Variants in ITGA1 observed in about 807,000 individuals in gnomAD.
The protein encoded by ITGA1 is integrin alpha-1.
In ITGA1, 85 loss-of-function variants were observed where a neutral mutation model predicts 145.9. That is an observed-to-expected ratio of 0.58 (90% CI 0.49 to 0.70). The LOEUF is 0.70. ITGA1 is among the 30% of genes least tolerant of loss of function. The pLI is 0.00. For missense variants in ITGA1, 1,351 were observed against 1,418.7 expected, an observed-to-expected ratio of 0.95 and a Z score of 0.77; for synonymous variants, 520 against 495.3, an observed-to-expected ratio of 1.05 and a Z score of -0.66.
chr5:52,925,639 G>A (rs973085606), intron 19 of ITGA1, 152 bp downstream of exon 19: 5 of 610,630 alleles, frequency 8.2e-6, no homozygotes, highest in East Asian at 5.7e-5. Flanking sequence ...AAAGTATTAA[G>A]CTTTTTAAAA....
At chr5:52,884,872 GAGTTT>G (rs970550283) in intron 7 of ITGA1, among the ~76,000 whole-genome samples, 1 of 152,096 alleles carries the variant, frequency 6.6e-6, no homozygotes, top group African/African-American at 2.4e-5. Context: ...ACACCAACTA[GAGTTT>G]ATGCAAACCT....
chr5:52,925,679 T>C (rs1460065369), intron 19 of ITGA1, among the ~76,000 whole-genome samples, 192 bp downstream of exon 19: 1 of 152,246 alleles, frequency 6.6e-6, no homozygotes, highest in Non-Finnish European at 1.5e-5. Flanking sequence ...CAAATATGTA[T>C]GTCTTTTCTT....
At chr5:52,890,105 C>T (rs1357789357) in intron 8 of ITGA1, among the ~76,000 whole-genome samples, 1 of 152,158 alleles carries the variant, frequency 6.6e-6, no homozygotes, top group South Asian at 2.1e-4. Context: ...GGACCTACCA[C>T]CCAAATTGAG....
chr5:52,886,802 G>A lies in ITGA1; in HGVS notation c.774-1013G>A, dbSNP rs1165962156. 2.6e-5 allele frequency among the ~76,000 whole-genome samples: 4 copies of A among 152,126 alleles called. No homozygotes were observed. The East Asian group carries it at 5.8e-4, about 22-fold the overall frequency. The stretch of plus-strand genomic sequence containing the variant: ...TTTTGTTTTGTTTTTGAGACGGGAA[G>A]GTGTCTCGCTCTGTCGCCCAGGCTG... On this transcript the variant is annotated intron_variant, in intron 7 of 28. Transcript: ENST00000282588.
intron 21 of ITGA1, among the ~76,000 whole-genome samples, chr5:52,930,022 A>C (rs1406963720): frequency 6.6e-6 from 1 of 152,182 alleles, no homozygotes. Flanking sequence ...ATAATTTAAA[A>C]ACTTTCACTG....
chr5:52,864,731 T>A (rs768120906), intron 3 of ITGA1, 32 bp from the exon 4 acceptor site: 1 of 1,364,768 alleles, frequency 7.3e-7, no homozygotes, highest in South Asian at 1.2e-5. Context: ...GTGAAACTTT[T>A]CCTCCCTCAT....
chr5:52,840,291 C>T (rs1749231763), intron 1 of ITGA1, among the ~76,000 whole-genome samples: 1 of 152,164 alleles, frequency 6.6e-6, no homozygotes, highest in Non-Finnish European at 1.5e-5. Context: ...GGATGCCACC[C>T]TGCTTTGTTT....
At position 52,863,077 on chromosome 5, in the gene ITGA1, T is replaced by A. The variant is rs189357228; in HGVS notation, c.295+1518T>A. Among the ~76,000 whole-genome samples the A allele has an allele frequency of 1.0e-3, 152 of 152,356 alleles. 1 individual carries two copies. Among genetic ancestry groups the A allele is most frequent in the Middle Eastern group, 3.4e-3 (1 of 294 alleles). On this transcript the variant is annotated intron_variant, in intron 3 of 28. Coordinates refer to ENST00000282588, the MANE Select transcript of ITGA1 (RefSeq NM_181501.2). ...TGGATCATAACCTGGATTATATTTT[T>A]GAATTACAGGTGTGGAGATTCTAGA...
At chr5:52,793,172 A>G (rs1215458926) in intron 1 of ITGA1, among the ~76,000 whole-genome samples, 1 of 152,122 alleles carries the variant, frequency 6.6e-6, no homozygotes, top group Non-Finnish European at 1.5e-5. Flanking sequence ...CGGTATTATA[A>G]TTAACTATCT....
At chr5:52,907,333 T>C (rs1299563300) in intron 12 of ITGA1, among the ~76,000 whole-genome samples, 1 of 151,956 alleles carries the variant, frequency 6.6e-6, no homozygotes, top group East Asian at 1.9e-4. Flanking sequence ...GCAGTAAAAA[T>C]GGAAAAGGAA....
chr5:52,816,951 C>CT (rs1212831004), intron 1 of ITGA1, among the ~76,000 whole-genome samples: 1 of 152,130 alleles, frequency 6.6e-6, no homozygotes, highest in Non-Finnish European at 1.5e-5. Flanking sequence ...AGCTGGATTC[C>CT]TTTGCCTTAA....
chr5:52,941,341 A>G (rs1182594384), intron 26 of ITGA1, among the ~76,000 whole-genome samples: 1 of 152,128 alleles, frequency 6.6e-6, no homozygotes, highest in East Asian at 1.9e-4. Context: ...GTTGTTTGAG[A>G]AATCTCCAAA....
intron 1 of ITGA1, among the ~76,000 whole-genome samples, chr5:52,848,549 A>T (rs560404005): frequency 6.6e-6 from 1 of 152,238 alleles, no homozygotes; most frequent in East Asian, 1.9e-4. Flanking sequence ...CTTTAAAGTC[A>T]TTATGGTTTT....
At chr5:52,930,140 C>T (rs536828606) in intron 21 of ITGA1, among the ~76,000 whole-genome samples, 4 of 152,200 alleles carry the variant, frequency 2.6e-5, no homozygotes, top group Admixed American at 2.0e-4. Context: ...TGAAAGGTAT[C>T]ATAGAACACA....
intron 2 of ITGA1, among the ~76,000 whole-genome samples, chr5:52,861,020 A>G (rs1468049268): frequency 6.6e-6 from 1 of 152,206 alleles, no homozygotes; most frequent in African/African-American, 2.4e-5. Flanking sequence ...TTATACTTCC[A>G]CATGTGTTTT....
chr5:52,919,020 C>T, intron 16 of ITGA1, 122 bp downstream of exon 16: 1 of 825,984 alleles, frequency 1.2e-6, no homozygotes, highest in Non-Finnish European at 1.8e-6. Flanking sequence ...ATATTTGCCC[C>T]AGTGAAGATG....
chr5:52,931,059 T>A (rs1750887541), intron 21 of ITGA1: 1 of 152,182 alleles, frequency 6.6e-6, no homozygotes, highest in African/African-American at 2.4e-5. Flanking sequence ...GTCCTGCTGC[T>A]TATGAGCCAC....
intron 1 of ITGA1, among the ~76,000 whole-genome samples, chr5:52,818,542 G>A (rs1748813918): frequency 6.6e-6 from 1 of 152,220 alleles, no homozygotes; most frequent in Non-Finnish European, 1.5e-5. Flanking sequence ...TTAGCCCTCA[G>A]TGGTTTTGTA....
In ITGA1 at chr5:52,918,885, G is replaced by A. The variant is rs755316192; in HGVS notation, c.2142G>A (p.Thr714=). 9.4e-6 allele frequency: 15 copies of A among 1,592,850 alleles called. No individual in the cohort carries two copies. The highest frequency in any genetic ancestry group is 2.2e-5 in the East Asian group (1 of 44,538). ...TGAAATTAAAGTCTAAAGAAGACAC[G>A]ATTTATGAAGCTGGTAAGCAAAATA... ...FDVKLKSKED[T]IYEADLQYRV... Residue 714 remains threonine, a synonymous_variant, in exon 16 of 29, where the codon ACG becomes ACA. Coordinates refer to ENST00000282588, the MANE Select transcript of ITGA1 (RefSeq NM_181501.2).
Sources: allele counts gnomAD v4.1 joint callset (sites outside exome capture counted in the v4.1 genomes callset), GRCh38; gene constraint gnomAD v4.1.1; transcripts MANE v1.5; gene names NCBI Gene and HGNC (gene_info 2026-07-23, HGNC 2026-07-21).